Variants in SH3PXD2A observed in about 807,000 individuals in gnomAD.
SH3PXD2A encodes SH3 and PX domain-containing protein 2A.
SH3PXD2A carries 32 observed loss-of-function variants against 115.2 expected under a neutral mutation model. That is an observed-to-expected ratio of 0.28 (90% CI 0.21 to 0.37). SH3PXD2A has a LOEUF of 0.37. SH3PXD2A is among the 10% of genes least tolerant of loss of function. The probability of loss-of-function intolerance (pLI) is 1.00; values close to 1 mark genes in which losing one functional copy is unlikely to be tolerated. For missense variants in SH3PXD2A, 1,328 were observed against 1,498.7 expected (o/e 0.89, Z 1.88); for synonymous variants, 610 against 629.1 (o/e 0.97, Z 0.45).
At chr10:103,844,225 C>G (rs1422004664) in intron 1 of SH3PXD2A, among the ~76,000 whole-genome samples, 1 of 152,224 alleles carries the variant, frequency 6.6e-6, no homozygotes, top group African/African-American at 2.4e-5. Context: ...AGAAGTGATT[C>G]TATCCCTTCT....
intron 8 of SH3PXD2A, 32 bp downstream of exon 8, chr10:103,660,951 C>G: frequency 6.2e-7 from 1 of 1,612,166 alleles, no homozygotes; most frequent in South Asian, 1.1e-5. Flanking sequence ...AGACCGGAAC[C>G]CCAGTGGACG....
chr10:103,837,902 A>G (rs2039561094), intron 1 of SH3PXD2A, among the ~76,000 whole-genome samples: 1 of 152,100 alleles, frequency 6.6e-6, no homozygotes, highest in Admixed American at 6.5e-5. Context: ...GGGAAAGGCC[A>G]GAGCCCACTG....
intron 5 of SH3PXD2A, among the ~76,000 whole-genome samples, chr10:103,718,588 C>T (rs2038136535): frequency 6.6e-6 from 1 of 152,240 alleles, no homozygotes; most frequent in Non-Finnish European, 1.5e-5. Flanking sequence ...TAACTGCTAG[C>T]AACTTCGCTT....
At chr10:103,616,418 C>A (rs1013735923) in intron 11 of SH3PXD2A, among the ~76,000 whole-genome samples, 1 of 152,216 alleles carries the variant, frequency 6.6e-6, no homozygotes, top group Non-Finnish European at 1.5e-5. Context: ...GAGATCAAGT[C>A]TCCTGGAGCA....
At chr10:103,708,237 C>T (rs796512623) in intron 5 of SH3PXD2A, among the ~76,000 whole-genome samples, 85 of 152,310 alleles carry the variant, frequency 5.6e-4, no homozygotes, top group Middle Eastern at 6.8e-3. Context: ...CCTGTCTCCA[C>T]ACTCGTTACA....
chr10:103,661,797 C>G (rs137904696), intron 7 of SH3PXD2A: 1 of 985,054 alleles, frequency 1.0e-6, no homozygotes, highest in Non-Finnish European at 1.2e-6. Context: ...ACATGAGACC[C>G]GTCGAATGAG....
At chr10:103,630,953 C>A (rs1250250576) in intron 8 of SH3PXD2A, among the ~76,000 whole-genome samples, 1 of 152,136 alleles carries the variant, frequency 6.6e-6, no homozygotes. Flanking sequence ...CCGAGACCCC[C>A]AGTGGATGCC....
chr10:103,794,093 TG>T, intron 2 of SH3PXD2A, among the ~76,000 whole-genome samples: 1 of 152,306 alleles, frequency 6.6e-6, no homozygotes, highest in East Asian at 1.9e-4. Context: ...ATTCCAAGGC[TG>T]GTTGTTAGTG....
chr10:103,766,510 T>G (rs2038756101), intron 3 of SH3PXD2A, among the ~76,000 whole-genome samples: 1 of 152,184 alleles, frequency 6.6e-6, no homozygotes, highest in Admixed American at 6.5e-5. Flanking sequence ...GATGTGCATA[T>G]GATAACAAAT....
intron 6 of SH3PXD2A, among the ~76,000 whole-genome samples, chr10:103,684,816 C>T (rs1228939529): frequency 6.8e-6 from 1 of 147,386 alleles, no homozygotes; most frequent in Non-Finnish European, 1.5e-5. Context: ...GTCACTTGAT[C>T]CTAGGAGTTC....
intron 1 of SH3PXD2A, among the ~76,000 whole-genome samples, chr10:103,802,815 G>A (rs2039160009): frequency 6.6e-6 from 1 of 152,172 alleles, no homozygotes. Flanking sequence ...TGGGGCCGGG[G>A]GCAGGCTTCA....
chr10:103,792,601 A>T lies in SH3PXD2A; in HGVS notation c.153+8681T>A, dbSNP rs989468473. 3.3e-5 allele frequency among the ~76,000 whole-genome samples: 5 copies of T among 152,332 alleles called. No individual in the cohort carries two copies. In the East Asian group the frequency reaches 7.7e-4, roughly 23 times the overall value. On this transcript the variant is annotated intron_variant, in intron 2 of 14. Transcript: ENST00000369774. ...TATACACCCATTATACAGATGAGAA[A>T]TCAAGCACAGAGAGGTTAAATCACT...
chr10:103,677,208 C>T (rs900835826), intron 6 of SH3PXD2A, among the ~76,000 whole-genome samples: 1 of 152,234 alleles, frequency 6.6e-6, no homozygotes, highest in Non-Finnish European at 1.5e-5. Context: ...GAATCAACCG[C>T]CAACTATTTC....
At chr10:103,603,889 C>G (rs1312540247) in intron 14 of SH3PXD2A, 100 bp from the exon 15 acceptor site, 2 of 1,303,776 alleles carry the variant, frequency 1.5e-6, no homozygotes, top group Non-Finnish European at 2.0e-6. Flanking sequence ...GATAAATTAT[C>G]TCCATTTTAC....
At chr10:103,716,955 C>G (rs1349813943) in intron 5 of SH3PXD2A, among the ~76,000 whole-genome samples, 3 of 152,210 alleles carry the variant, frequency 2.0e-5, no homozygotes, top group Non-Finnish European at 4.4e-5. Context: ...TGTCCCCATC[C>G]CACCATGATG....
chr10:103,739,571 A>C (rs905301218), intron 3 of SH3PXD2A, among the ~76,000 whole-genome samples: 25 of 152,102 alleles, frequency 1.6e-4, no homozygotes, highest in African/African-American at 6.0e-4. Context: ...GGGGGAGAGA[A>C]AAAGGAGGGG....
In SH3PXD2A at chr10:103,821,372, G is replaced by A. The variant is rs868264292; in HGVS notation, c.73-20010C>T. On this transcript the variant is annotated intron_variant, in intron 1 of 14. Transcript: ENST00000369774. ...TCGAACTCCAGACCTCAAGTGATCC[G>A]TCTGCCTCAGCCTTCCAAAGTGCTG... is the stretch of plus-strand genomic sequence containing the variant. 2.0e-5 allele frequency among the ~76,000 whole-genome samples: 3 copies of A among 151,948 alleles called. No individual in the cohort carries two copies. The East Asian group carries it at 5.8e-4, about 29-fold the overall frequency.
intron 7 of SH3PXD2A, among the ~76,000 whole-genome samples, chr10:103,667,334 A>C (rs1277459492): frequency 6.6e-6 from 1 of 152,138 alleles, no homozygotes; most frequent in African/African-American, 2.4e-5. Flanking sequence ...AACCCTGGGC[A>C]TCCTACAAAA....
intron 1 of SH3PXD2A, among the ~76,000 whole-genome samples, chr10:103,802,853 C>G (rs1245730582): frequency 6.6e-6 from 1 of 152,136 alleles, no homozygotes; most frequent in Non-Finnish European, 1.5e-5. Context: ...GGGTCTCTGC[C>G]TAGTCACTGT....
Sources: allele counts gnomAD v4.1 joint callset (sites outside exome capture counted in the v4.1 genomes callset), GRCh38; gene constraint gnomAD v4.1.1; transcripts MANE v1.5; gene names NCBI Gene and HGNC (gene_info 2026-07-23, HGNC 2026-07-21).